The following KCNAB1 variants were observed in gnomAD, a reference collection of about 807,000 sequenced individuals.
KCNAB1 encodes the protein potassium voltage-gated channel subfamily A regulatory beta subunit 1.
Under a neutral mutation model 64.6 loss-of-function variants are expected in KCNAB1, and 35 were observed. The observed-to-expected ratio is 0.54, with a 90% CI of 0.41 to 0.72. The LOEUF (loss-of-function observed/expected upper bound fraction) is 0.72. Ranked by LOEUF, KCNAB1 falls within the 30% of genes least tolerant of loss-of-function variation. KCNAB1 has a pLI of 0.00. For missense variants in KCNAB1, 401 were observed against 512.9 expected (o/e 0.78, Z 2.11); for synonymous variants, 177 against 183.8 (o/e 0.96, Z 0.30).
At chr3:156,151,639 C>T (rs1715417492) in intron 1 of KCNAB1, among the ~76,000 whole-genome samples, 1 of 152,176 alleles carries the variant, frequency 6.6e-6, no homozygotes, top group Non-Finnish European at 1.5e-5. Flanking sequence ...ACCCACCTCT[C>T]CATTTATTTT....
chr3:156,440,601 G>A (rs1716922548), intron 2 of KCNAB1, among the ~76,000 whole-genome samples: 1 of 152,124 alleles, frequency 6.6e-6, no homozygotes, highest in Admixed American at 6.5e-5. Flanking sequence ...ATGTTAAATT[G>A]CATATAATTA....
chr3:156,127,472 T>C (rs1560098749), intron 1 of KCNAB1, among the ~76,000 whole-genome samples: 1 of 152,220 alleles, frequency 6.6e-6, no homozygotes, highest in Non-Finnish European at 1.5e-5. Context: ...AGTTATATGC[T>C]AGAAAGATTG....
intron 1 of KCNAB1, among the ~76,000 whole-genome samples, chr3:156,347,342 G>T (rs944425197): frequency 6.6e-6 from 1 of 152,202 alleles, no homozygotes; most frequent in Non-Finnish European, 1.5e-5. Flanking sequence ...CCAATAATCA[G>T]CCCTAACAGG....
intron 7 of KCNAB1, 48 bp from the exon 8 acceptor site, chr3:156,474,686 A>G (rs199769542): frequency 2.3e-6 from 3 of 1,333,218 alleles, no homozygotes; most frequent in Non-Finnish European, 3.2e-6. Flanking sequence ...AACTCTGAAT[A>G]GTGCTCATAT....
intron 1 of KCNAB1, among the ~76,000 whole-genome samples, chr3:156,303,484 T>C (rs1342512945): frequency 6.6e-6 from 1 of 152,130 alleles, no homozygotes; most frequent in Non-Finnish European, 1.5e-5. Context: ...TTGAGTAAGA[T>C]GGAAATGAGG....
intron 1 of KCNAB1, among the ~76,000 whole-genome samples, chr3:156,312,652 C>CAGTGAG (rs1721986248): frequency 7.9e-6 from 1 of 125,910 alleles, no homozygotes; most frequent in African/African-American, 3.2e-5. Flanking sequence ...GTGGAGGTTG[C>CAGTGAG]CAAGATAGCA....
chr3:156,347,405 C>G (rs1270952090), intron 1 of KCNAB1, among the ~76,000 whole-genome samples: 5 of 152,182 alleles, frequency 3.3e-5, no homozygotes, highest in African/African-American at 1.2e-4. Context: ...CCTTTCTGAG[C>G]TTGAGTCCTC....
chr3:156,495,956 T>C (rs1248095304), intron 8 of KCNAB1, among the ~76,000 whole-genome samples: 1 of 152,126 alleles, frequency 6.6e-6, no homozygotes, highest in African/African-American at 2.4e-5. Flanking sequence ...GCCTGATGAA[T>C]GTGTAGTCCC....
At chr3:156,125,371 T>C (rs940829880) in intron 1 of KCNAB1, among the ~76,000 whole-genome samples, 2 of 152,206 alleles carry the variant, frequency 1.3e-5, no homozygotes, top group African/African-American at 4.8e-5. Context: ...GCTCAATTAA[T>C]ATTTTATAAG....
chr3:156,341,441 T>C (rs1724108639), intron 1 of KCNAB1, among the ~76,000 whole-genome samples: 1 of 152,240 alleles, frequency 6.6e-6, no homozygotes, highest in Admixed American at 6.5e-5. Flanking sequence ...TTCCCCTTAA[T>C]TTGCACTGCC....
chr3:156,220,727 C>A (rs974421333), intron 1 of KCNAB1, among the ~76,000 whole-genome samples: 1 of 152,166 alleles, frequency 6.6e-6, no homozygotes, highest in African/African-American at 2.4e-5. Flanking sequence ...TTAATTAGAT[C>A]CCATTTGTCT....
intron 1 of KCNAB1, among the ~76,000 whole-genome samples, chr3:156,336,555 T>C (rs77025276): frequency 2.0e-5 from 3 of 152,222 alleles, no homozygotes. Context: ...ATGTTCAGAA[T>C]GGCATGGATT....
chr3:156,186,501 C>T (rs1713198882), intron 1 of KCNAB1, among the ~76,000 whole-genome samples: 1 of 152,186 alleles, frequency 6.6e-6, no homozygotes, highest in Non-Finnish European at 1.5e-5. Flanking sequence ...TGCCTTCTGT[C>T]ACTGCCCTCT....
intron 11 of KCNAB1, among the ~76,000 whole-genome samples, chr3:156,520,532 C>T (rs2108402629): frequency 6.6e-6 from 1 of 152,288 alleles, no homozygotes; most frequent in South Asian, 2.1e-4. Flanking sequence ...GAGCTGAGGT[C>T]ATGCCACTTC....
At chr3:156,173,728 G>C (rs746224079) in intron 1 of KCNAB1, among the ~76,000 whole-genome samples, 1 of 152,298 alleles carries the variant, frequency 6.6e-6, no homozygotes, top group Middle Eastern at 3.4e-3. Context: ...AGGGCCACAG[G>C]GTGCCCAGAT....
intron 1 of KCNAB1, among the ~76,000 whole-genome samples, chr3:156,295,568 G>A (rs1292486065): frequency 6.6e-6 from 1 of 152,114 alleles, no homozygotes; most frequent in Non-Finnish European, 1.5e-5. Context: ...ACTGGTTATT[G>A]TTTGAAGGCA....
chr3:156,228,663 TA>T (rs1716333842), intron 1 of KCNAB1, among the ~76,000 whole-genome samples: 1 of 152,210 alleles, frequency 6.6e-6, no homozygotes, highest in Non-Finnish European at 1.5e-5. Flanking sequence ...TACAGAGTCT[TA>T]AGTGAAATAG....
At chr3:156,231,472 T>C (rs957916470) in intron 1 of KCNAB1, among the ~76,000 whole-genome samples, 1 of 134,120 alleles carries the variant, frequency 7.5e-6, no homozygotes. Flanking sequence ...ATCCCCTTTC[T>C]TCCCTCCCCT....
intron 1 of KCNAB1, among the ~76,000 whole-genome samples, chr3:156,143,829 T>G (rs1361831105): frequency 6.6e-6 from 1 of 151,564 alleles, no homozygotes; most frequent in Non-Finnish European, 1.5e-5. Flanking sequence ...ACTTATTTTC[T>G]TCTAAACTTG....
Sources: gnomAD v4.1 joint callset for allele counts (sites outside exome capture counted in the v4.1 genomes callset) on GRCh38, gnomAD v4.1.1 for gene constraint, MANE v1.5 for transcripts, NCBI Gene and HGNC (gene_info 2026-07-23, HGNC 2026-07-21) for gene names.